PRKAR1B: variants seen among roughly 807,000 people sequenced by gnomAD.
PRKAR1B encodes cAMP-dependent protein kinase type I-beta regulatory subunit.
Under a neutral mutation model 46.5 loss-of-function variants are expected in PRKAR1B, and 22 were observed. That is an observed-to-expected ratio of 0.47 (90% CI 0.34 to 0.68). PRKAR1B has a LOEUF of 0.68. Among genes scored for constraint, PRKAR1B ranks in the 30% least tolerant of loss-of-function variants. The pLI is 0.01. For missense variants in PRKAR1B, 445 were observed against 535.6 expected (o/e 0.83, Z 1.67); for synonymous variants, 259 against 217.7 (o/e 1.19, Z -1.67).
In PRKAR1B at chr7:604,498, G is replaced by A. The variant is rs542383322; in HGVS notation, c.549+1695C>T. Among the ~76,000 whole-genome samples, 124 of 152,344 alleles carry A rather than the reference G, an allele frequency of 8.1e-4. 1 individual carries two copies. The highest frequency in any genetic ancestry group is 8.8e-5 in the Non-Finnish European group (6 of 68,030). ...TCTAGGGGCCCAGCCCGTGGGTTCC[G>A]GCTCAGGACAGAGCACACCAGGGAG... On this transcript the variant is annotated intron_variant, in intron 6 of 10. Coordinates refer to ENST00000537384, the MANE Select transcript of PRKAR1B (RefSeq NM_001164760.2).
At chr7:590,268 A>G (rs1219711784) in intron 7 of PRKAR1B, among the ~76,000 whole-genome samples, 1 of 152,262 alleles carries the variant, frequency 6.6e-6, no homozygotes, top group Non-Finnish European at 1.5e-5. Context: ...ACATCAGCAC[A>G]GCACGGCAGG....
In PRKAR1B at chr7:596,321, A is replaced by T. The variant is rs1179424600; in HGVS notation, c.550-17T>A. 1 of 1,597,326 alleles carries T rather than the reference A, an allele frequency of 6.3e-7. No individual in the cohort carries two copies. The highest frequency in any genetic ancestry group is 1.1e-5 in the South Asian group (1 of 90,378). On this transcript the variant is annotated splice_polypyrimidine_tract_variant and intron_variant, in intron 6 of 10. Coordinates refer to ENST00000537384, the MANE Select transcript of PRKAR1B (RefSeq NM_001164760.2). ...CACGTACACCTTTGGGGAGCAAGAGAGAGAAGTGTCACGGGGGCCAGGCAG... is the reference window on the plus strand; with the variant it reads ...CACGTACACCTTTGGGGAGCAAGAGTGAGAAGTGTCACGGGGGCCAGGCAG...
At chr7:638,818 T>C (rs555550028) in intron 4 of PRKAR1B, among the ~76,000 whole-genome samples, 30 of 152,338 alleles carry the variant, frequency 2.0e-4, no homozygotes, top group African/African-American at 5.1e-4. Context: ...GGCTCACGCC[T>C]GTAGTCCCAG....
intron 9 of PRKAR1B, among the ~76,000 whole-genome samples, chr7:570,861 C>T (rs1779466298): frequency 6.6e-6 from 1 of 152,146 alleles, no homozygotes; most frequent in Non-Finnish European, 1.5e-5. Flanking sequence ...CCCCCACCAC[C>T]CTCCCTGCAG....
Position 596,235 on chromosome 7 carries a change from A to G in PRKAR1B, c.619T>C (p.Tyr207His). ...ACGGTCGCAGCCCTGGGGGTGCCGT[A>G]GATGAGCGCCAGCTCCCCGAAGCTG... ...GGSFGELALI[Y>H]GTPRAATVKA... The change falls in exon 7 of 11, where the codon TAC becomes CAC. Residue 207 changes from tyrosine (Y) to histidine (H), a missense_variant. Physicochemically the swap from Tyr to His is moderately conservative, Grantham distance 83 (BLOSUM62 2). Coordinates refer to ENST00000537384, the MANE Select transcript of PRKAR1B (RefSeq NM_001164760.2). 6.2e-7 allele frequency: 1 copy of G among 1,614,032 alleles called. No homozygotes were observed. The highest frequency in any genetic ancestry group is 8.5e-7 in the Non-Finnish European group (1 of 1,179,976).
At chr7:693,702 A>G (rs116785705) in intron 2 of PRKAR1B, among the ~76,000 whole-genome samples, 5,105 of 152,210 alleles carry the variant, frequency 0.034, 318 homozygotes, top group African/African-American at 0.12. Context: ...GTGCTGCTCC[A>G]AACGCTCATG....
chr7:676,337 C>T lies in PRKAR1B; in HGVS notation c.440+892G>A, dbSNP rs184333284. On this transcript the variant is annotated intron_variant, in intron 4 of 10. Transcript: ENST00000537384. ...CCTGACCTCCTCTGTCCCCTCACTG[C>T]GACCCTGCAGACCTCATCTGCTGTC... Among the ~76,000 whole-genome samples the T allele has an allele frequency of 3.2e-4, 48 of 152,342 alleles. No homozygotes were observed. In the East Asian group the frequency reaches 4.4e-3, roughly 14 times the overall value.
rs1778702089 is a variant in PRKAR1B at position 560,280 on chromosome 7, C to A, written c.892-8810G>T. 6.6e-6 allele frequency among the ~76,000 whole-genome samples: 1 copy of A among 151,974 alleles called. No individual in the cohort carries two copies. On this transcript the variant is annotated intron_variant, in intron 9 of 10. Coordinates refer to ENST00000537384, the MANE Select transcript of PRKAR1B (RefSeq NM_001164760.2). The surrounding 1 kb of genome is among the most constrained non-coding windows in gnomAD (Gnocchi z 4.2). ...AGACCTCCCCAGCCAGGCAGAATCA[C>A]AAGCGATTAAACCTCTTTTCTTTAT...
intron 1 of PRKAR1B, among the ~76,000 whole-genome samples, chr7:716,193 G>A (rs892694999): frequency 6.6e-6 from 1 of 151,008 alleles, no homozygotes; most frequent in African/African-American, 2.4e-5. Context: ...GATCACAGGT[G>A]CACACCGCCA....
rs962223108 is a variant in PRKAR1B at position 549,311 on chromosome 7, CGGGGCTGGGT to C, written c.*1109_*1118del. ...CACAGGCGGGACACGGCGACGTGGC[CGGGGCTGGGT>C]GGGGAGGGGGACCCCACGCATCGTA... On this transcript the variant is annotated 3_prime_UTR_variant, in exon 11 of 11. Transcript: ENST00000537384. 3 of 151,854 alleles carry C rather than the reference CGGGGCTGGGT, an allele frequency of 2.0e-5. No homozygotes were observed. Among genetic ancestry groups the C allele is most frequent in the Admixed American group, 2.0e-4 (3 of 15,270 alleles). The allele number at this position is 151,854 out of a possible 1,614,324, so 9.4% of individuals were successfully genotyped here.
At chr7:700,929 T>C (rs936370088) in intron 2 of PRKAR1B, among the ~76,000 whole-genome samples, 1 of 152,190 alleles carries the variant, frequency 6.6e-6, no homozygotes, top group Non-Finnish European at 1.5e-5. Context: ...GGCTCACGCC[T>C]GTAATCCCAG....
In PRKAR1B at chr7:711,458, C is replaced by T; in HGVS notation, c.48G>A (p.Lys16=). 2 of 1,614,190 alleles carry T rather than the reference C, an allele frequency of 1.2e-6. No homozygotes were observed. The highest frequency in any genetic ancestry group is 2.2e-5 in the East Asian group (1 of 44,872). Residue 16 remains lysine (K), a synonymous_variant, in exon 2 of 11, where the codon AAG becomes AAA. Transcript: ENST00000537384. The stretch of plus-strand genomic sequence containing the variant: ...GCAGCTGCACGTACAGCTCACAGCC[C>T]TTCAGGCTCTCGTCCTCCTCCGAGG... ...ACPSEEDESL[K]GCELYVQLHG...
intron 2 of PRKAR1B, among the ~76,000 whole-genome samples, chr7:693,523 G>C (rs1387190227): frequency 6.6e-6 from 1 of 152,138 alleles, no homozygotes; most frequent in Non-Finnish European, 1.5e-5. Flanking sequence ...GTTGCGTCTG[G>C]CTCATTTCAC....
chr7:620,298 C>T (rs1393200791), intron 4 of PRKAR1B, among the ~76,000 whole-genome samples: 2 of 152,324 alleles, frequency 1.3e-5, no homozygotes, highest in Non-Finnish European at 2.9e-5. Context: ...GACCGCCTCT[C>T]CCTATTCAGA....
At chr7:558,202 T>C (rs1778566076) in intron 9 of PRKAR1B, among the ~76,000 whole-genome samples, 1 of 151,082 alleles carries the variant, frequency 6.6e-6, no homozygotes, top group Non-Finnish European at 1.5e-5. Context: ...GGCATGTGCC[T>C]GTGGTCCCAG....
At chr7:580,334 G>A (rs992202527) in intron 8 of PRKAR1B, among the ~76,000 whole-genome samples, 2 of 151,622 alleles carry the variant, frequency 1.3e-5, no homozygotes, top group Non-Finnish European at 2.9e-5. Context: ...TGGGTGGATT[G>A]CCTGAGCTCA....
At chr7:615,489 AGAAAG>A (rs1308012692) in intron 4 of PRKAR1B, among the ~76,000 whole-genome samples, 10 of 151,150 alleles carry the variant, frequency 6.6e-5, no homozygotes, top group African/African-American at 7.3e-5. Flanking sequence ...AGAAGAGAAA[AGAAAG>A]GAAAGGAAAG....
At chr7:708,557 G>T (rs1780449507) in intron 2 of PRKAR1B, among the ~76,000 whole-genome samples, 1 of 152,202 alleles carries the variant, frequency 6.6e-6, no homozygotes, top group Non-Finnish European at 1.5e-5. Context: ...GTTGCAATCA[G>T]CTCACTGCAA....
chr7:727,314 C>G, upstream of PRKAR1B: 2 of 1,283,418 alleles, frequency 1.6e-6, no homozygotes, highest in Non-Finnish European at 2.0e-6. Flanking sequence ...AGGCCACGCC[C>G]GGTGAGCACC....
Sources: allele counts gnomAD v4.1 joint callset (sites outside exome capture counted in the v4.1 genomes callset), GRCh38; gene constraint gnomAD v4.1.1; non-coding constraint Gnocchi (gnomAD v3.1); transcripts MANE v1.5; gene names NCBI Gene and HGNC (gene_info 2026-07-23, HGNC 2026-07-21).